DTWD2: variants seen among roughly 807,000 people sequenced by gnomAD.
DTWD2 encodes the protein DTW motif tRNA-uridine aminocarboxypropyltransferase 2, also known as tRNA-uridine aminocarboxypropyltransferase 2.
DTWD2 carries 39 observed loss-of-function variants against 31.8 expected under a neutral mutation model. The ratio of observed to expected loss-of-function variants is 1.22; its 90% CI spans 0.95 to 1.60. The LOEUF is 1.60. Ranked by LOEUF, DTWD2 falls within the 40% of genes most tolerant of loss-of-function variation. DTWD2 has a pLI of 0.00. For missense variants in DTWD2, 515 were observed against 381.5 expected, an observed-to-expected ratio of 1.35 and a Z score of -2.92; for synonymous variants, 180 against 142.8, an observed-to-expected ratio of 1.26 and a Z score of -1.86.
At chr5:118,971,014 AC>A (rs1349188023) in intron 1 of DTWD2, among the ~76,000 whole-genome samples, 19 of 152,370 alleles carry the variant, frequency 1.2e-4, no homozygotes, top group African/African-American at 4.3e-4. Flanking sequence ...AAAAATCATT[AC>A]CAGTCACTAC....
At chr5:118,977,743 G>A (rs1755198559) in intron 1 of DTWD2, among the ~76,000 whole-genome samples, 2 of 152,132 alleles carry the variant, frequency 1.3e-5, no homozygotes, top group Admixed American at 6.5e-5. Flanking sequence ...AATCAATATT[G>A]TGAAAATGGC....
chr5:118,897,178 G>T (rs1753102487), intron 4 of DTWD2, among the ~76,000 whole-genome samples: 1 of 152,184 alleles, frequency 6.6e-6, no homozygotes, highest in African/African-American at 2.4e-5. Flanking sequence ...AGCAAAATCA[G>T]CCAGGAGAAA....
rs1751685761 is a variant in DTWD2 at position 118,840,518 on chromosome 5, T to A, written c.*399A>T. On this transcript the variant is annotated 3_prime_UTR_variant, in exon 6 of 6. Coordinates refer to ENST00000510708, the MANE Select transcript of DTWD2 (RefSeq NM_173666.4). ...CTGTAAAGTCAGGACTGCAAACTGA[T>A]GTAGGAATCTTATATTATTGGTCTA... is the stretch of plus-strand genomic sequence containing the variant. 1.3e-5 allele frequency: 2 copies of A among 152,618 alleles called. No homozygotes were observed. Among genetic ancestry groups the A allele is most frequent in the South Asian group, 4.1e-4 (2 of 4,846 alleles). The allele number at this position is 152,618 out of a possible 1,614,324, so 9.5% of individuals were successfully genotyped here.
At chr5:118,879,691 A>T (rs1408772767) in intron 4 of DTWD2, among the ~76,000 whole-genome samples, 2 of 152,062 alleles carry the variant, frequency 1.3e-5, no homozygotes, top group South Asian at 2.1e-4. Flanking sequence ...TCCTTAGTAA[A>T]CTAACGCAGG....
At chr5:118,852,393 G>C (rs1752031492) in intron 4 of DTWD2, among the ~76,000 whole-genome samples, 1 of 152,140 alleles carries the variant, frequency 6.6e-6, no homozygotes, top group Admixed American at 6.6e-5. Flanking sequence ...GAAATTATAA[G>C]AGTATTACTA....
At chr5:118,906,689 G>A (rs1339068464) in intron 4 of DTWD2, among the ~76,000 whole-genome samples, 1 of 152,106 alleles carries the variant, frequency 6.6e-6, no homozygotes, top group Admixed American at 6.5e-5. Context: ...ACAGGGAAAG[G>A]GTAGGAAGAA....
At chr5:118,907,126 A>G (rs1753350148) in intron 4 of DTWD2, among the ~76,000 whole-genome samples, 1 of 152,212 alleles carries the variant, frequency 6.6e-6, no homozygotes, top group Non-Finnish European at 1.5e-5. Context: ...AAAGGTACTC[A>G]CATCAAGTGG....
At chr5:118,872,930 G>A (rs763691565) in intron 4 of DTWD2, among the ~76,000 whole-genome samples, 3 of 152,158 alleles carry the variant, frequency 2.0e-5, no homozygotes, top group Admixed American at 6.5e-5. Flanking sequence ...GAGGGATGGC[G>A]CCGAGAGTGA....
intron 4 of DTWD2, among the ~76,000 whole-genome samples, chr5:118,865,247 AC>A (rs1321724514): frequency 4.6e-5 from 7 of 152,192 alleles, no homozygotes; most frequent in African/African-American, 1.7e-4. Flanking sequence ...AAAATAAGAT[AC>A]AAAAGCAATG....
At chr5:118,918,074 G>T (rs1420374299) in intron 4 of DTWD2, among the ~76,000 whole-genome samples, 2 of 152,086 alleles carry the variant, frequency 1.3e-5, no homozygotes, top group Non-Finnish European at 2.9e-5. Flanking sequence ...CCAACACATG[G>T]GGATTAGAAT....
In DTWD2 at chr5:118,974,110, C is replaced by A. The variant is rs551872467; in HGVS notation, c.218+14184G>T. ...ATGTCGATACCAAGAAGCAGAAGACCGACGAGGATGACTAGACAGCAAAAA... is the reference window on the plus strand; with the variant it reads ...ATGTCGATACCAAGAAGCAGAAGACAGACGAGGATGACTAGACAGCAAAAA... On this transcript the variant is annotated intron_variant, in intron 1 of 5. Transcript: ENST00000510708. 1.4e-4 allele frequency: 219 copies of A among 1,589,882 alleles called. 3 individuals are homozygous for A. In the East Asian group the frequency reaches 4.6e-3, roughly 34 times the overall value.
intron 4 of DTWD2, among the ~76,000 whole-genome samples, chr5:118,865,020 CACACACACACAA>C (rs1376744690): frequency 6.6e-6 from 1 of 151,980 alleles, no homozygotes; most frequent in South Asian, 2.1e-4. Context: ...AAAATTTAAA[CACACACACACAA>C]ACACACACAC....
At chr5:118,892,865 T>A (rs1753003977) in intron 4 of DTWD2, among the ~76,000 whole-genome samples, 1 of 152,076 alleles carries the variant, frequency 6.6e-6, no homozygotes, top group Non-Finnish European at 1.5e-5. Flanking sequence ...AGGGCAAACA[T>A]TAGAAACAAT....
At chr5:118,923,567 A>G (rs975203256) in intron 4 of DTWD2, among the ~76,000 whole-genome samples, 1 of 152,214 alleles carries the variant, frequency 6.6e-6, no homozygotes, top group Non-Finnish European at 1.5e-5. Context: ...ATCTTGGGAA[A>G]GAGGCGAACC....
At chr5:118,844,899 G>A (rs1275572595) in intron 5 of DTWD2, among the ~76,000 whole-genome samples, 1 of 152,112 alleles carries the variant, frequency 6.6e-6, no homozygotes, top group Non-Finnish European at 1.5e-5. Flanking sequence ...TTTGGCAGGC[G>A]AAGGCAGGTG....
intron 3 of DTWD2, among the ~76,000 whole-genome samples, chr5:118,932,393 G>A (rs754318121): frequency 6.7e-6 from 1 of 149,134 alleles, no homozygotes; most frequent in Non-Finnish European, 1.5e-5. Flanking sequence ...AAAAAGAAAA[G>A]AAAGAGTAAA....
At chr5:118,969,864 A>G (rs1376658082) in intron 1 of DTWD2, among the ~76,000 whole-genome samples, 2 of 152,174 alleles carry the variant, frequency 1.3e-5, no homozygotes, top group Non-Finnish European at 2.9e-5. Flanking sequence ...GCTTCAGAAA[A>G]TGGGTAATAA....
intron 1 of DTWD2, among the ~76,000 whole-genome samples, chr5:118,984,179 C>G (rs1178712793): frequency 2.0e-5 from 3 of 152,072 alleles, no homozygotes; most frequent in African/African-American, 7.2e-5. Context: ...ATCCCAGCTA[C>G]TCAGGAGGCT....
intron 4 of DTWD2, among the ~76,000 whole-genome samples, chr5:118,915,540 A>G (rs1472049648): frequency 6.6e-6 from 1 of 151,838 alleles, no homozygotes; most frequent in African/African-American, 2.4e-5. Context: ...ACACCTGGCT[A>G]ATTTTTTGTA....
Sources: allele counts gnomAD v4.1 joint callset (sites outside exome capture counted in the v4.1 genomes callset), GRCh38; gene constraint gnomAD v4.1.1; transcripts MANE v1.5; gene names NCBI Gene and HGNC (gene_info 2026-07-23, HGNC 2026-07-21).